NTM: variants seen among roughly 807,000 people sequenced by gnomAD.
NTM encodes IgLON family member 2.
Under a neutral mutation model 42.1 loss-of-function variants are expected in NTM, and 13 were observed. The observed-to-expected ratio is 0.31, with a 90% CI of 0.20 to 0.49. The LOEUF (loss-of-function observed/expected upper bound fraction) is 0.49. NTM is among the 20% of genes least tolerant of loss of function. The probability of loss-of-function intolerance (pLI) is 0.99; values close to 1 mark genes in which losing one functional copy is unlikely to be tolerated. For synonymous variants in NTM, 187 were observed against 179.2 expected, an observed-to-expected ratio of 1.04 and a Z score of -0.35; for missense variants, 373 against 452.8, an observed-to-expected ratio of 0.82 and a Z score of 1.60.
intron 1 of NTM, among the ~76,000 whole-genome samples, chr11:131,817,097 A>AT: frequency 6.6e-6 from 1 of 152,152 alleles, no homozygotes; most frequent in African/African-American, 2.4e-5. Flanking sequence ...GCATCTTCTA[A>AT]TTTTGGTTTG....
chr11:132,251,557 G>A (rs1426341303), intron 4 of NTM, among the ~76,000 whole-genome samples: 1 of 152,154 alleles, frequency 6.6e-6, no homozygotes, highest in Non-Finnish European at 1.5e-5. Flanking sequence ...CTACCTATGA[G>A]GAAAGGGCAA....
At chr11:132,009,517 C>G (rs2071602563) in intron 2 of NTM, among the ~76,000 whole-genome samples, 2 of 152,210 alleles carry the variant, frequency 1.3e-5, no homozygotes, top group Admixed American at 6.5e-5. Context: ...GTGCCTGGTC[C>G]AGTGCCCTGG....
At chr11:132,293,619 C>G (rs2094524131) in intron 4 of NTM, among the ~76,000 whole-genome samples, 1 of 151,798 alleles carries the variant, frequency 6.6e-6, no homozygotes, top group Non-Finnish European at 1.5e-5. Context: ...CAGCAAACTA[C>G]AGCCTATGGG....
Position 132,330,152 on chromosome 11 carries a change from G to C in NTM, c.935-1G>C, listed in dbSNP as rs1212872575. 2 of 1,551,602 alleles carry C rather than the reference G, an allele frequency of 1.3e-6. No individual in the cohort carries two copies. Among genetic ancestry groups the C allele is most frequent in the Non-Finnish European group, 1.7e-6 (2 of 1,146,946 alleles). On this transcript the variant is annotated splice_acceptor_variant, in intron 7 of 8. Transcript: ENST00000683400. LOFTEE classifies it high-confidence loss of function. ...AGTGGCTTGTTTTTAATTTCTTTTA[G>C]AAGTGAAAACTACAGCCCTGACCCC...
chr11:131,464,367 G>T (rs1213744316), intron 1 of NTM, among the ~76,000 whole-genome samples: 4 of 151,986 alleles, frequency 2.6e-5, no homozygotes, highest in Non-Finnish European at 5.9e-5. Flanking sequence ...GCTGGGGGGG[G>T]GGCAGCAACA....
intron 1 of NTM, among the ~76,000 whole-genome samples, chr11:131,821,623 A>G (rs139762509): frequency 1.3e-5 from 2 of 152,370 alleles, no homozygotes; most frequent in Non-Finnish European, 2.9e-5. Flanking sequence ...CAAAGCGACA[A>G]GCACAATGTT....
At chr11:131,822,219 C>T (rs953307983) in intron 1 of NTM, among the ~76,000 whole-genome samples, 1 of 152,096 alleles carries the variant, frequency 6.6e-6, no homozygotes, top group African/African-American at 2.4e-5. Flanking sequence ...TTTATCCACT[C>T]CCCTCTCCTC....
intron 2 of NTM, among the ~76,000 whole-genome samples, chr11:132,073,805 T>C (rs2058014721): frequency 6.6e-6 from 1 of 152,182 alleles, no homozygotes; most frequent in Non-Finnish European, 1.5e-5. Flanking sequence ...CTGCAATTTC[T>C]CAATTCAGTT....
chr11:132,038,562 T>G (rs956571889), intron 2 of NTM, among the ~76,000 whole-genome samples: 7 of 152,166 alleles, frequency 4.6e-5, no homozygotes, highest in Non-Finnish European at 1.0e-4. Context: ...TGGGGCTGTT[T>G]AGAGGATTAA....
intron 7 of NTM, among the ~76,000 whole-genome samples, chr11:132,320,961 G>A (rs575860926): frequency 6.6e-6 from 1 of 150,948 alleles, no homozygotes; most frequent in Admixed American, 6.6e-5. Flanking sequence ...CTGCAGCTGA[G>A]GGTCCTGTCT....
chr11:132,212,139 C>T lies in NTM; in HGVS notation c.518C>T (p.Ser173Phe). 1 of 1,611,160 alleles carries T rather than the reference C, an allele frequency of 6.2e-7. No homozygotes were observed. Among genetic ancestry groups the T allele is most frequent in the South Asian group, 1.1e-5 (1 of 90,270 alleles). The change falls in exon 4 of 9, where the codon TCT (serine) becomes TTT (phenylalanine). Residue 173 changes from serine (S) to phenylalanine (F), a missense_variant. Physicochemically the swap from Ser to Phe is radical, Grantham distance 155 (BLOSUM62 -2). Coordinates refer to ENST00000683400, the MANE Select transcript of NTM (RefSeq NM_001352005.2). ...PEPTVTWRHI[S>F]PKAVGFVSED... is the part of the protein sequence containing the mutation. Reference sequence around the variant, plus strand: ...CCTACGGTTACTTGGAGACACATCTCTCCCAAAGGTAAGAGAACAGTTTGT... The same window carrying T: ...CCTACGGTTACTTGGAGACACATCTTTCCCAAAGGTAAGAGAACAGTTTGT...
intron 2 of NTM, among the ~76,000 whole-genome samples, chr11:131,951,012 T>G (rs1164685688): frequency 6.6e-6 from 1 of 152,198 alleles, no homozygotes; most frequent in Non-Finnish European, 1.5e-5. Context: ...TGTTTTTTTT[T>G]AATGGACTGA....
At chr11:131,871,003 C>A (rs573892409) in intron 1 of NTM, among the ~76,000 whole-genome samples, 2 of 152,282 alleles carry the variant, frequency 1.3e-5, no homozygotes, top group Non-Finnish European at 2.9e-5. Flanking sequence ...CTACAAGCTG[C>A]CATACAGAAG....
In NTM at chr11:131,884,824, G is replaced by A. The variant is rs146052283; in HGVS notation, c.83-26740G>A. 7.4e-4 allele frequency among the ~76,000 whole-genome samples: 113 copies of A among 152,294 alleles called. 1 individual carries two copies. The highest frequency in any genetic ancestry group is 2.5e-3 in the African/African-American group (103 of 41,564). On this transcript the variant is annotated intron_variant, in intron 1 of 8. Coordinates refer to ENST00000683400, the MANE Select transcript of NTM (RefSeq NM_001352005.2). ...TTCTGTACGGGGAAAGAAGACAAAG[G>A]CTCTTTTGTAGAATACAATGGTTAA...
chr11:131,967,255 G>T (rs1300590481), intron 2 of NTM, among the ~76,000 whole-genome samples: 1 of 152,176 alleles, frequency 6.6e-6, no homozygotes, highest in Non-Finnish European at 1.5e-5. Context: ...TGAGATAGAA[G>T]AGATCATCAG....
intron 1 of NTM, chr11:131,794,695 A>G: frequency 2.2e-5 from 22 of 985,420 alleles, no homozygotes; most frequent in Non-Finnish European, 2.5e-5. Context: ...CATTTTTAAG[A>G]CACAGTGTCC....
chr11:132,328,035 G>C (rs1417502224), intron 7 of NTM, among the ~76,000 whole-genome samples: 1 of 152,136 alleles, frequency 6.6e-6, no homozygotes, highest in Non-Finnish European at 1.5e-5. Context: ...AAAGACTGGA[G>C]TTTGTGGCCA....
chr11:132,014,963 GTC>G (rs2073104743), intron 2 of NTM, among the ~76,000 whole-genome samples: 1 of 151,662 alleles, frequency 6.6e-6, no homozygotes, highest in Admixed American at 6.6e-5. Flanking sequence ...TATAATTCTT[GTC>G]TAGACCACTG....
At chr11:131,654,463 G>C (rs1342218274) in intron 1 of NTM, among the ~76,000 whole-genome samples, 1 of 152,076 alleles carries the variant, frequency 6.6e-6, no homozygotes, top group Non-Finnish European at 1.5e-5. Flanking sequence ...GAGTCTCAGG[G>C]TTCCATCTAA....
Sources: gnomAD v4.1 joint callset for allele counts (sites outside exome capture counted in the v4.1 genomes callset) on GRCh38, gnomAD v4.1.1 for gene constraint, MANE v1.5 for transcripts, NCBI Gene and HGNC (gene_info 2026-07-23, HGNC 2026-07-21) for gene names.